Variants in PPM1H observed in about 807,000 individuals in gnomAD.
PPM1H encodes the protein protein phosphatase 1H.
In PPM1H, 27 loss-of-function variants were observed where a neutral mutation model predicts 54.9. The observed-to-expected ratio is 0.49, with a 90% CI of 0.36 to 0.68. The LOEUF (loss-of-function observed/expected upper bound fraction) is 0.68. PPM1H is among the 30% of genes least tolerant of loss of function. The pLI, the probability that PPM1H is intolerant of heterozygous loss-of-function variation, is 0.00. For synonymous variants in PPM1H, 305 were observed against 270.8 expected, an observed-to-expected ratio of 1.13 and a Z score of -1.24; for missense variants, 596 against 667.8, an observed-to-expected ratio of 0.89 and a Z score of 1.19.
chr12:62,763,124 T>G (rs2076519738), intron 4 of PPM1H, among the ~76,000 whole-genome samples: 1 of 152,172 alleles, frequency 6.6e-6, no homozygotes, highest in South Asian at 2.1e-4. Flanking sequence ...TGGCTCCCAA[T>G]ATGTGCTACC....
At chr12:62,783,701 C>T (rs183909492) in intron 4 of PPM1H, among the ~76,000 whole-genome samples, 25 of 152,322 alleles carry the variant, frequency 1.6e-4, no homozygotes, top group African/African-American at 5.5e-4. Flanking sequence ...TTAATACGTG[C>T]CTTGCACTTA....
chr12:62,845,812 C>A (rs1868944729), intron 1 of PPM1H, among the ~76,000 whole-genome samples: 2 of 152,204 alleles, frequency 1.3e-5, no homozygotes. Flanking sequence ...GCATGTTGCA[C>A]AACATGCAAG....
At chr12:62,923,933 CA>C (rs1191271095) in intron 1 of PPM1H, among the ~76,000 whole-genome samples, 6 of 121,804 alleles carry the variant, frequency 4.9e-5, no homozygotes, top group Admixed American at 3.0e-4. Context: ...AAAATAGAAA[CA>C]ATATTTTCAT....
chr12:62,785,861 GAAAAAAAAA>G (rs35904349), intron 4 of PPM1H, among the ~76,000 whole-genome samples: 1 of 129,426 alleles, frequency 7.7e-6, no homozygotes, highest in Non-Finnish European at 1.7e-5. Context: ...TAAAAATGAG[GAAAAAAAAA>G]AAAAAAAGAG....
At chr12:62,712,819 G>A (rs2076214672) in intron 6 of PPM1H, among the ~76,000 whole-genome samples, 1 of 152,160 alleles carries the variant, frequency 6.6e-6, no homozygotes, top group Non-Finnish European at 1.5e-5. Context: ...AGCTAATGAG[G>A]AGTGTCAGTT....
intron 2 of PPM1H, among the ~76,000 whole-genome samples, chr12:62,826,135 A>G (rs1685329274): frequency 2.0e-5 from 3 of 152,316 alleles, no homozygotes; most frequent in Non-Finnish European, 4.4e-5. Flanking sequence ...CTTAACACCA[A>G]TTCATTATTA....
intron 1 of PPM1H, among the ~76,000 whole-genome samples, chr12:62,899,061 T>G (rs1392156838): frequency 6.6e-6 from 1 of 152,182 alleles, no homozygotes; most frequent in Non-Finnish European, 1.5e-5. Context: ...TAGCATATAT[T>G]AACAGTAATA....
At chr12:62,776,905 C>T (rs2076614617) in intron 4 of PPM1H, among the ~76,000 whole-genome samples, 2 of 152,214 alleles carry the variant, frequency 1.3e-5, no homozygotes, top group African/African-American at 4.8e-5. Context: ...TAACTGTACA[C>T]CACACACCAG....
intron 9 of PPM1H, chr12:62,659,302 T>G (rs896808694): frequency 6.9e-6 from 3 of 434,608 alleles, no homozygotes; most frequent in Non-Finnish European, 1.2e-5. Flanking sequence ...GAGAAAAACT[T>G]ACTGCACTCA....
At chr12:62,916,457 C>CTA in intron 1 of PPM1H, among the ~76,000 whole-genome samples, 1 of 152,106 alleles carries the variant, frequency 6.6e-6, no homozygotes, top group Non-Finnish European at 1.5e-5. Context: ...ATCTTTAAGT[C>CTA]TATAAGTACC....
chr12:62,882,586 C>T (rs1229506646), intron 1 of PPM1H, among the ~76,000 whole-genome samples: 2 of 152,214 alleles, frequency 1.3e-5, no homozygotes, highest in Admixed American at 1.3e-4. Flanking sequence ...GTATCCCTTT[C>T]GTTGCAAGGA....
intron 1 of PPM1H, among the ~76,000 whole-genome samples, chr12:62,925,453 C>T (rs911289088): frequency 7.2e-5 from 11 of 152,180 alleles, no homozygotes; most frequent in African/African-American, 2.7e-4. Flanking sequence ...TGGCATGTGC[C>T]TGTAGTCATA....
At chr12:62,661,002 C>T (rs2075879609) in intron 9 of PPM1H, among the ~76,000 whole-genome samples, 1 of 152,124 alleles carries the variant, frequency 6.6e-6, no homozygotes, top group East Asian at 1.9e-4. Context: ...TCCTTTAACA[C>T]AAATAATTTT....
chr12:62,933,349 G>A (rs1260025408), intron 1 of PPM1H, among the ~76,000 whole-genome samples: 1 of 152,124 alleles, frequency 6.6e-6, no homozygotes, highest in East Asian at 1.9e-4. Flanking sequence ...AACCAAGCCT[G>A]CCCCGGGGTA....
intron 6 of PPM1H, among the ~76,000 whole-genome samples, chr12:62,719,790 T>C (rs1240238593): frequency 2.6e-5 from 4 of 151,986 alleles, no homozygotes; most frequent in African/African-American, 9.7e-5. Context: ...AGAATCAGAG[T>C]CAGGATTCAA....
chr12:62,685,733 A>G (rs1306229674), intron 8 of PPM1H, among the ~76,000 whole-genome samples: 1 of 152,212 alleles, frequency 6.6e-6, no homozygotes, highest in Non-Finnish European at 1.5e-5. Context: ...CACAGTTAAT[A>G]ATAATGTGTA....
intron 4 of PPM1H, among the ~76,000 whole-genome samples, chr12:62,749,086 G>A (rs1289492211): frequency 1.3e-5 from 2 of 152,186 alleles, no homozygotes; most frequent in Non-Finnish European, 2.9e-5. Context: ...ACCAGGATGG[G>A]AGAAGCCACC....
intron 9 of PPM1H, among the ~76,000 whole-genome samples, chr12:62,653,813 G>A (rs1196541563): frequency 6.6e-6 from 1 of 152,126 alleles, no homozygotes; most frequent in Non-Finnish European, 1.5e-5. Flanking sequence ...TAGGCAGTTA[G>A]GTAGACATGA....
intron 2 of PPM1H, among the ~76,000 whole-genome samples, chr12:62,827,945 G>A (rs1868308621): frequency 6.6e-6 from 1 of 152,124 alleles, no homozygotes; most frequent in Non-Finnish European, 1.5e-5. Context: ...CTCAGCATTA[G>A]GAGGATGGGA....
Sources: allele counts gnomAD v4.1 joint callset (sites outside exome capture counted in the v4.1 genomes callset), GRCh38; gene constraint gnomAD v4.1.1; transcripts MANE v1.5; gene names NCBI Gene and HGNC (gene_info 2026-07-23, HGNC 2026-07-21).